The following DMD variants were observed in gnomAD, a reference collection of about 807,000 sequenced individuals.
DMD encodes dystrophin.
A neutral mutation model predicts 330.1 loss-of-function variants in DMD; 63 were observed. That is an observed-to-expected ratio of 0.19 (90% CI 0.16 to 0.24). The LOEUF (loss-of-function observed/expected upper bound fraction) is 0.24, where lower values mean the gene tolerates loss of function less well. DMD is among the 10% of genes least tolerant of loss of function. The pLI is 1.00. For synonymous variants in DMD, 1,223 were observed against 959.8 expected, an observed-to-expected ratio of 1.27 and a Z score of -5.07; for missense variants, 3,344 against 2,684.1, an observed-to-expected ratio of 1.25 and a Z score of -5.43.
rs72468700 is a variant in DMD, at chrX:32,614,462, T to G, written c.1332-9A>C. On this transcript the variant is annotated splice_polypyrimidine_tract_variant and intron_variant, in intron 11 of 78. Coordinates refer to ENST00000357033, the MANE Select transcript of DMD (RefSeq NM_004006.3). ...TTAAAACTCTATGTAAACTGAAAATTTGAAAGAAGCCTATTATGACCTCTT... is the reference window on the plus strand; with the variant it reads ...TTAAAACTCTATGTAAACTGAAAATGTGAAAGAAGCCTATTATGACCTCTT... 2.8e-5 allele frequency: 33 copies of G among 1,196,011 alleles called. No individual in the cohort carries two copies. Among genetic ancestry groups the G allele is most frequent in the Admixed American group, 4.4e-5 (2 of 45,234 alleles).
At chrX:31,904,934 T>C (rs2094461542) in intron 47 of DMD, among the ~76,000 whole-genome samples, 1 of 111,916 alleles carries the variant, frequency 8.9e-6, no homozygotes, top group African/African-American at 3.2e-5. Context: ...AAGAAACAAA[T>C]ATAGTAACAT....
intron 52 of DMD, among the ~76,000 whole-genome samples, chrX:31,727,847 T>C (rs1427609200): frequency 8.9e-6 from 1 of 112,342 alleles, no homozygotes; most frequent in African/African-American, 3.2e-5. Flanking sequence ...AAAGAAGACA[T>C]GTCTTTAGGA....
At chrX:31,625,839 C>T (rs1410922214) in intron 55 of DMD, among the ~76,000 whole-genome samples, 1 of 110,922 alleles carries the variant, frequency 9.0e-6, no homozygotes, top group Non-Finnish European at 1.9e-5. Flanking sequence ...TTATTAAATC[C>T]CTGACATAAA....
chrX:32,371,423 G>T (rs930164001), intron 34 of DMD, among the ~76,000 whole-genome samples: 4 of 109,971 alleles, frequency 3.6e-5, no homozygotes, highest in African/African-American at 1.3e-4. Flanking sequence ...CATACTATAG[G>T]ACCAAATTTT....
At chrX:32,865,712 A>G (rs1053757926) in intron 2 of DMD, among the ~76,000 whole-genome samples, 10 of 112,565 alleles carry the variant, frequency 8.9e-5, no homozygotes, top group African/African-American at 2.9e-4. Flanking sequence ...GCATTTTTTA[A>G]TTCATATTTT....
chrX:31,155,832 G>T (rs2038051086), intron 74 of DMD, among the ~76,000 whole-genome samples: 1 of 109,733 alleles, frequency 9.1e-6, no homozygotes, highest in South Asian at 4.0e-4. Context: ...CAAAAAAATT[G>T]AAAAAAATTA....
chrX:32,430,151 ATTG>A (rs2098232193), intron 29 of DMD, among the ~76,000 whole-genome samples: 1 of 110,888 alleles, frequency 9.0e-6, no homozygotes, highest in Non-Finnish European at 1.9e-5. Flanking sequence ...ATTCTTATTC[ATTG>A]TTGTAGATAA....
At chrX:33,046,687 T>TG (rs1393904549) in intron 1 of DMD, among the ~76,000 whole-genome samples, 2 of 112,065 alleles carry the variant, frequency 1.8e-5, no homozygotes, top group Admixed American at 1.9e-4. Flanking sequence ...GCCTATTTGG[T>TG]GCTCAATAAC....
At chrX:31,728,247 G>C (rs760583404) in intron 52 of DMD, among the ~76,000 whole-genome samples, 10 of 111,571 alleles carry the variant, frequency 9.0e-5, no homozygotes, top group African/African-American at 2.3e-4. Context: ...GGATGGTCTC[G>C]ATCTCCTGAC....
intron 7 of DMD, among the ~76,000 whole-genome samples, chrX:32,806,582 G>C (rs193245425): frequency 2.7e-4 from 30 of 111,093 alleles, no homozygotes; most frequent in African/African-American, 9.2e-4. Context: ...CTCAGCTCTG[G>C]ACCAAGTGGA....
chrX:33,143,629 A>G (rs1381389714), intron 1 of DMD, among the ~76,000 whole-genome samples: 2 of 111,837 alleles, frequency 1.8e-5, no homozygotes, highest in East Asian at 5.6e-4. Context: ...CTACTGTCAC[A>G]GTTCTTACTG....
At position 31,757,488 on chromosome X, in the gene DMD, T is replaced by C. The variant is rs2089211784; in HGVS notation, c.7542+16472A>G. On this transcript the variant is annotated intron_variant, in intron 51 of 78. Coordinates refer to ENST00000357033, the MANE Select transcript of DMD (RefSeq NM_004006.3). ...TAGCTAAATACCTTAGACTGGGTAA[T>C]TTATAAACAACAGAATTTATTGCTT... Among the ~76,000 whole-genome samples the C allele has an allele frequency of 4.5e-5, 5 of 111,710 alleles. No homozygotes were observed. The Admixed American group carries it at 4.8e-4, about 11-fold the overall frequency.
At chrX:32,399,030 T>C (rs1407285457) in intron 30 of DMD, among the ~76,000 whole-genome samples, 1 of 111,547 alleles carries the variant, frequency 9.0e-6, no homozygotes, top group Non-Finnish European at 1.9e-5. Flanking sequence ...AAATTGGATA[T>C]CCAAATGCAG....
chrX:32,910,073 C>A (rs1258540643), intron 2 of DMD, among the ~76,000 whole-genome samples: 5 of 111,521 alleles, frequency 4.5e-5, no homozygotes, highest in Non-Finnish European at 9.4e-5. Flanking sequence ...AATTTCTAAT[C>A]CCTGACATAA....
At position 31,263,668 on chromosome X, in the gene DMD, A is replaced by T. The variant is rs768116304; in HGVS notation, c.9225-2652T>A. ...AACTCCTCAAACAATTCCAGAAGCT[A>T]ACCTTTCTCACCTTCAACACACAAA... is the stretch of plus-strand genomic sequence containing the variant. On this transcript the variant is annotated intron_variant, in intron 62 of 78. Transcript: ENST00000357033. Among the ~76,000 whole-genome samples the T allele has an allele frequency of 2.3e-4, 26 of 111,838 alleles. 1 individual carries two copies. Among genetic ancestry groups the T allele is most frequent in the Non-Finnish European group, 3.8e-5 (2 of 53,168 alleles).
At chrX:32,720,290 G>A (rs1164643543) in intron 7 of DMD, among the ~76,000 whole-genome samples, 1 of 111,182 alleles carries the variant, frequency 9.0e-6, no homozygotes, top group East Asian at 2.8e-4. Context: ...ACCAAGACTG[G>A]CTCATTTTGC....
chrX:31,780,055 C>T (rs1266435897), intron 50 of DMD, among the ~76,000 whole-genome samples: 1 of 111,295 alleles, frequency 9.0e-6, no homozygotes, highest in Admixed American at 9.6e-5. Context: ...GAACACTTCT[C>T]TAGTCTGAAA....
At chrX:31,134,752 A>G (rs914644173) in intron 76 of DMD, among the ~76,000 whole-genome samples, 1 of 112,721 alleles carries the variant, frequency 8.9e-6, no homozygotes, top group Non-Finnish European at 1.9e-5. Flanking sequence ...TTGACTAGTT[A>G]CTTGAAATGT....
chrX:31,770,614 C>A (rs2090280268), intron 51 of DMD, among the ~76,000 whole-genome samples: 1 of 111,877 alleles, frequency 8.9e-6, no homozygotes, highest in African/African-American at 3.2e-5. Context: ...GCTTAGTTTT[C>A]CCTGAAGAAA....
Sources: gnomAD v4.1 joint callset for allele counts (sites outside exome capture counted in the v4.1 genomes callset) on GRCh38, gnomAD v4.1.1 for gene constraint, MANE v1.5 for transcripts, NCBI Gene and HGNC (gene_info 2026-07-23, HGNC 2026-07-21) for gene names.